The following PVT1 variants were observed in gnomAD, a reference collection of about 807,000 sequenced individuals.
PVT1 encodes Pvt1 oncogene, also known as CXCR4/PVT1 fusion.
intron 4 of PVT1, among the ~76,000 whole-genome samples, chr8:127,992,848 A>C (rs961682851): frequency 2.0e-5 from 3 of 152,106 alleles, no homozygotes; most frequent in African/African-American, 7.2e-5. Flanking sequence ...CACACTGGTC[A>C]TGCTGGCCTC....
At chr8:128,033,543 A>G (rs1355199984) in intron 4 of PVT1, among the ~76,000 whole-genome samples, 1 of 152,214 alleles carries the variant, frequency 6.6e-6, no homozygotes, top group East Asian at 1.9e-4. Flanking sequence ...AGGCTAGAAC[A>G]TAGCAGAGGA....
intron 2 of PVT1, among the ~76,000 whole-genome samples, chr8:127,813,443 C>T (rs571972005): frequency 7.9e-5 from 12 of 151,920 alleles, no homozygotes; most frequent in Non-Finnish European, 1.3e-4. Context: ...CATCTGCTCT[C>T]CTGGTTGTAT....
rs1175117814 is a variant in PVT1, at chr8:127,992,613, G to A, written n.912+3322G>A. Among the ~76,000 whole-genome samples the A allele has an allele frequency of 2.6e-5, 4 of 152,146 alleles. No individual in the cohort carries two copies. The East Asian group carries it at 5.8e-4, about 22-fold the overall frequency. On this transcript the variant is annotated intron_variant and non_coding_transcript_variant, in intron 4 of 10. Coordinates refer to ENST00000651587, the Ensembl canonical transcript of PVT1. ...TTGTGAGGATGACGGAACCTTGCCCGAGGAAATGGGCAATGAACAGGAGCC... is the reference window on the plus strand; with the variant it reads ...TTGTGAGGATGACGGAACCTTGCCCAAGGAAATGGGCAATGAACAGGAGCC...
intron 2 of PVT1, among the ~76,000 whole-genome samples, chr8:127,801,447 G>A (rs1189841191): frequency 2.6e-5 from 4 of 152,102 alleles, no homozygotes; most frequent in African/African-American, 7.2e-5. Context: ...CACCATGTTG[G>A]CCAGGCAGGT....
chr8:127,846,980 CTTTTTTTTT>C (rs34437112), intron 2 of PVT1, among the ~76,000 whole-genome samples: 1 of 62,428 alleles, frequency 1.6e-5, no homozygotes, highest in Non-Finnish European at 2.9e-5. Context: ...TGCACATGGC[CTTTTTTTTT>C]TTTTTTTTTT....
chr8:128,099,670 A>G (rs543930287), intron 6 of PVT1: 29 of 152,356 alleles, frequency 1.9e-4, no homozygotes, highest in Admixed American at 1.2e-3. Context: ...CCAAATTAAT[A>G]CCAGTAATCA....
At chr8:127,887,517 A>ATTTT (rs748096699) in intron 2 of PVT1, among the ~76,000 whole-genome samples, 2 of 152,154 alleles carry the variant, frequency 1.3e-5, no homozygotes, top group Non-Finnish European at 2.9e-5. Context: ...ACACTGTCTT[A>ATTTT]TTTATTTTAT....
chr8:128,027,373 TGGGAGTG>T (rs1813315978), intron 4 of PVT1, among the ~76,000 whole-genome samples: 1 of 152,194 alleles, frequency 6.6e-6, no homozygotes, highest in African/African-American at 2.4e-5. Context: ...GTGATTCCCT[TGGGAGTG>T]GGCAGCATGC....
At chr8:127,871,993 G>A (rs1222239539) in intron 2 of PVT1, among the ~76,000 whole-genome samples, 2 of 152,248 alleles carry the variant, frequency 1.3e-5, no homozygotes, top group African/African-American at 2.4e-5. Flanking sequence ...TCTGGAGGCT[G>A]AGGCAGGAGA....
At chr8:128,056,158 C>T (rs1342278740) in intron 4 of PVT1, among the ~76,000 whole-genome samples, 1 of 152,222 alleles carries the variant, frequency 6.6e-6, no homozygotes, top group Non-Finnish European at 1.5e-5. Flanking sequence ...CTGCCACTGA[C>T]TAGCTATGGG....
chr8:128,035,989 G>A (rs1425747285), intron 4 of PVT1, among the ~76,000 whole-genome samples: 2 of 152,220 alleles, frequency 1.3e-5, no homozygotes, highest in African/African-American at 4.8e-5. Context: ...AATTTGTGTT[G>A]TTATTAGCTG....
At chr8:127,799,181 C>T (rs1057219877) in intron 2 of PVT1, among the ~76,000 whole-genome samples, 14 of 150,832 alleles carry the variant, frequency 9.3e-5, no homozygotes, top group Admixed American at 8.0e-4. Context: ...TCTTTATTAT[C>T]ACTGACTGTG....
chr8:127,995,256 C>G (rs1437428299), intron 4 of PVT1, among the ~76,000 whole-genome samples: 1 of 152,200 alleles, frequency 6.6e-6, no homozygotes, highest in Non-Finnish European at 1.5e-5. Flanking sequence ...CCTGTTCTGT[C>G]TGTATCCTGG....
Position 127,924,899 on chromosome 8 carries a change from C to T in PVT1, n.782+33901C>T, listed in dbSNP as rs189072250. On this transcript the variant is annotated intron_variant and non_coding_transcript_variant, in intron 3 of 10. Transcript: ENST00000651587. ...CTGGCCTTAAGCGATCCACCCACCT[C>T]GGCCTCCCTTAGTGCTGGGATTATA... 5.9e-5 allele frequency among the ~76,000 whole-genome samples: 9 copies of T among 152,242 alleles called. No individual in the cohort carries two copies. In the East Asian group the frequency reaches 7.7e-4, roughly 13 times the overall value.
At chr8:127,983,166 C>G (rs903260777) in intron 3 of PVT1, among the ~76,000 whole-genome samples, 1 of 152,174 alleles carries the variant, frequency 6.6e-6, no homozygotes, top group Non-Finnish European at 1.5e-5. Flanking sequence ...AATCCCAGCT[C>G]ACCTATGTGC....
At chr8:128,047,041 G>A (rs990435101) in intron 4 of PVT1, among the ~76,000 whole-genome samples, 6 of 152,204 alleles carry the variant, frequency 3.9e-5, no homozygotes, top group Admixed American at 3.9e-4. Flanking sequence ...CAGCCATGGA[G>A]TCATACTCTC....
intron 5 of PVT1, among the ~76,000 whole-genome samples, chr8:128,079,283 C>G (rs1814141852): frequency 6.6e-6 from 1 of 152,114 alleles, no homozygotes; most frequent in Non-Finnish European, 1.5e-5. Context: ...GCTCAGCTCT[C>G]TGTGTGTATG....
intron 4 of PVT1, among the ~76,000 whole-genome samples, chr8:128,014,628 C>T (rs1817351339): frequency 6.6e-6 from 1 of 152,086 alleles, no homozygotes. Flanking sequence ...AGGTGGGGAC[C>T]CAGTGGGTAG....
intron 2 of PVT1, among the ~76,000 whole-genome samples, chr8:127,812,256 C>A (rs865943011): frequency 0.032 from 3,766 of 118,632 alleles, 85 homozygotes; most frequent in African/African-American, 0.075. Context: ...GGCAGGAAGG[C>A]AGGAAGGCAG....
Sources: allele counts gnomAD v4.1 joint callset (sites outside exome capture counted in the v4.1 genomes callset), GRCh38; gene constraint gnomAD v4.1.1; transcripts MANE v1.5; gene names NCBI Gene and HGNC (gene_info 2026-07-23, HGNC 2026-07-21).